The following BOD1L1 variants were observed in gnomAD, a reference collection of about 807,000 sequenced individuals.
BOD1L1 encodes biorientation of chromosomes in cell division protein 1-like 1.
In BOD1L1, 86 loss-of-function variants were observed where a neutral mutation model predicts 240.7. That is an observed-to-expected ratio of 0.36 (90% CI 0.30 to 0.43). The LOEUF is 0.43. Among genes scored for constraint, BOD1L1 ranks in the 20% least tolerant of loss-of-function variants. The probability of loss-of-function intolerance (pLI) is 1.00; values close to 1 mark genes in which losing one functional copy is unlikely to be tolerated. For missense variants in BOD1L1, 3,554 were observed against 3,643.5 expected (o/e 0.98, Z 0.63); for synonymous variants, 1,268 against 1,272.3 (o/e 1.00, Z 0.07).
intron 8 of BOD1L1, among the ~76,000 whole-genome samples, chr4:13,607,687 C>G (rs542497083): frequency 6.6e-6 from 1 of 152,302 alleles, no homozygotes; most frequent in Admixed American, 6.5e-5. Flanking sequence ...CAAAGGAGAG[C>G]ACAATCCCAA....
In BOD1L1 at chr4:13,604,124, T is replaced by C. The variant is rs2108957843; in HGVS notation, c.2776A>G (p.Thr926Ala). ...TQGKQVKVVETELQEGATKQA... is the reference protein window; with the variant it reads ...TQGKQVKVVEAELQEGATKQA... ...TTTGTGGCACCTTCTTGTAATTCTG[T>C]TTCTACAACTTTTACCTGTTTGCCT... is the stretch of plus-strand genomic sequence containing the variant. The change falls in exon 10 of 26, where the codon ACA becomes GCA. Residue 926 changes from threonine (T) to alanine (A), a missense_variant. Thr to Ala is a moderately conservative substitution (Grantham distance 58, BLOSUM62 0). This residue lies in a region of BOD1L1 where 3,393 missense variants were observed against 3,427.1 expected (regional missense o/e 0.99). Coordinates refer to ENST00000040738, the MANE Select transcript of BOD1L1 (RefSeq NM_148894.3). 6.2e-7 allele frequency: 1 copy of C among 1,613,676 alleles called. No homozygotes were observed. Among genetic ancestry groups the C allele is most frequent in the East Asian group, 2.2e-5 (1 of 44,868 alleles).
intron 17 of BOD1L1, among the ~76,000 whole-genome samples, chr4:13,585,555 G>T (rs1486802630): frequency 6.6e-6 from 1 of 152,110 alleles, no homozygotes; most frequent in Admixed American, 6.6e-5. Flanking sequence ...AGGAGGTTCT[G>T]TGAGTCATAA....
At position 13,570,185 on chromosome 4, in the gene BOD1L1, C is replaced by T. The variant is rs891322139; in HGVS notation, c.9039-57G>A. On this transcript the variant is annotated intron_variant, in intron 25 of 25. Transcript: ENST00000040738. ...GTTTAAAAGCAGCTGCTTCAAATAA[C>T]TTGGGAGTTCCTTAAAAAACAGAAG... 34 of 1,258,036 alleles carry T rather than the reference C, an allele frequency of 2.7e-5. No individual in the cohort carries two copies. In the African/African-American group the frequency reaches 4.5e-4, roughly 17 times the overall value. 77.9% of individuals were successfully genotyped at this position (1,258,036 alleles called of 1,614,324 possible).
In BOD1L1 at chr4:13,599,064, T is replaced by C; in HGVS notation, c.7836A>G (p.Lys2612=). ...TCTCAGCAGATGCTTGATCAGTCCA[T>C]TTGCCACTATAATCATTCTTTATAG... ...DLTIKNDYSG[K]WTDQASAEKT... is the part of the protein sequence containing the mutation. Residue 2612 remains lysine, a synonymous_variant, in exon 10 of 26, where the codon AAA becomes AAG. Transcript: ENST00000040738. 1 of 1,614,020 alleles carries C rather than the reference T, an allele frequency of 6.2e-7. No individual in the cohort carries two copies. The highest frequency in any genetic ancestry group is 8.5e-7 in the Non-Finnish European group (1 of 1,179,890).
rs1343188304 is a variant in BOD1L1 at position 13,600,389 on chromosome 4, C to T, written c.6511G>A (p.Val2171Ile). Reference sequence around the variant, plus strand: ...GCCCTTTCTTCCACTGCTGCAGCAACCGGCTGAAGACTTTCAGCACACTTG... The same window carrying T: ...GCCCTTTCTTCCACTGCTGCAGCAATCGGCTGAAGACTTTCAGCACACTTG... The part of the protein sequence containing the change: ...TIKCAESLQP[V>I]AAAVEERATG... Residue 2171 changes from valine to isoleucine, a missense_variant, in exon 10 of 26, where the codon GTT becomes ATT. Val to Ile is a conservative substitution (Grantham distance 29). This residue lies in a region of BOD1L1 where 3,393 missense variants were observed against 3,427.1 expected (regional missense o/e 0.99). Coordinates refer to ENST00000040738, the MANE Select transcript of BOD1L1 (RefSeq NM_148894.3). 6.2e-6 allele frequency: 10 copies of T among 1,613,980 alleles called. No homozygotes were observed. Among genetic ancestry groups the T allele is most frequent in the Non-Finnish European group, 6.8e-6 (8 of 1,179,892 alleles).
In BOD1L1 at chr4:13,599,126, C is replaced by A. The variant is rs149137259; in HGVS notation, c.7774G>T (p.Val2592Leu). 26 of 1,614,038 alleles carry A rather than the reference C, an allele frequency of 1.6e-5. No individual in the cohort carries two copies. In the African/African-American group the frequency reaches 3.5e-4, roughly 22 times the overall value. Residue 2592 changes from valine (V) to leucine (L), a missense_variant, in exon 10 of 26, where the codon GTA (valine) becomes TTA (leucine). Around this residue, in one of 2 missense-constraint regions of BOD1L1, gnomAD observed 3,393 missense variants for 3,427.1 expected, o/e 0.99. Transcript: ENST00000040738. ...TCACATTTAGGAGCCAACAGAGCTA[C>A]ACTGTAAGTAGCTGGAGGGATCATT... ...HTMIPPATYS[V>L]ALLAPKCEQD...
At chr4:13,617,662 A>C (rs1055235041) in intron 2 of BOD1L1, among the ~76,000 whole-genome samples, 2 of 152,228 alleles carry the variant, frequency 1.3e-5, no homozygotes, top group African/African-American at 4.8e-5. Context: ...AAGTAGAATA[A>C]AATTTTCCCT....
At chr4:13,587,293 G>A (rs1290818043) in intron 16 of BOD1L1, among the ~76,000 whole-genome samples, 1 of 152,160 alleles carries the variant, frequency 6.6e-6, no homozygotes, top group Non-Finnish European at 1.5e-5. Context: ...TTCTACTAGA[G>A]GGCACCGTTA....
chr4:13,594,779 C>G (rs765663705), intron 12 of BOD1L1, among the ~76,000 whole-genome samples: 8 of 152,112 alleles, frequency 5.3e-5, no homozygotes, highest in African/African-American at 1.9e-4. Flanking sequence ...CCTGTAATCC[C>G]AGCTACTCAG....
At chr4:13,571,144 T>G (rs1712173605) in intron 25 of BOD1L1, among the ~76,000 whole-genome samples, 1 of 152,360 alleles carries the variant, frequency 6.6e-6, no homozygotes, top group Non-Finnish European at 1.5e-5. Context: ...TTTGAAAGTC[T>G]TATACACATA....
At chr4:13,618,516 A>G (rs1716790750) in intron 2 of BOD1L1, among the ~76,000 whole-genome samples, 2 of 152,238 alleles carry the variant, frequency 1.3e-5, no homozygotes, top group Non-Finnish European at 2.9e-5. Context: ...TTCTAGAAAC[A>G]GCTTTGACCT....
chr4:13,600,391 G>A lies in BOD1L1; in HGVS notation c.6509C>T (p.Pro2170Leu), dbSNP rs747362420. Residue 2170 changes from proline (P) to leucine (L), a missense_variant, in exon 10 of 26, where the codon CCG becomes CTG. By Grantham distance (98) the Pro-to-Leu change is moderately conservative (BLOSUM62 -3). Coordinates refer to ENST00000040738, the MANE Select transcript of BOD1L1 (RefSeq NM_148894.3). ...TTIKCAESLQ[P>L]VAAAVEERAT... ...CCTTTCTTCCACTGCTGCAGCAACC[G>A]GCTGAAGACTTTCAGCACACTTGAT... is the stretch of plus-strand genomic sequence containing the variant. 24 of 1,613,786 alleles carry A rather than the reference G, an allele frequency of 1.5e-5. No homozygotes were observed. Among genetic ancestry groups the A allele is most frequent in the Middle Eastern group, 3.3e-4 (2 of 6,084 alleles).
intron 12 of BOD1L1, among the ~76,000 whole-genome samples, chr4:13,594,692 C>T (rs904205299): frequency 5.9e-5 from 9 of 152,108 alleles, no homozygotes; most frequent in Admixed American, 2.0e-4. Context: ...GTCAGGAGAT[C>T]GAGACCATCC....
intron 12 of BOD1L1, among the ~76,000 whole-genome samples, chr4:13,593,681 C>T (rs996214133): frequency 5.9e-5 from 9 of 152,222 alleles, no homozygotes; most frequent in South Asian, 2.1e-4. Context: ...CTTATTTGCA[C>T]GTTGATTTCA....
In BOD1L1 at chr4:13,615,621, T is replaced by G; in HGVS notation, c.369-119A>C. 6.2e-6 allele frequency: 6 copies of G among 961,606 alleles called. No homozygotes were observed. In the South Asian group the frequency reaches 9.5e-5, roughly 15 times the overall value. 59.6% of individuals were successfully genotyped at this position (961,606 alleles called of 1,614,324 possible). On this transcript the variant is annotated intron_variant, in intron 2 of 25. Transcript: ENST00000040738. ...TATCCATCCATCCAACCTTAAATTG[T>G]CCCAATCCATTTACTTGGATATAGA...
intron 5 of BOD1L1, among the ~76,000 whole-genome samples, chr4:13,611,313 C>T (rs1716155059): frequency 6.6e-6 from 1 of 152,096 alleles, no homozygotes; most frequent in South Asian, 2.1e-4. Flanking sequence ...AAAAATTAGA[C>T]ATTATAGTTA....
In BOD1L1 at chr4:13,600,639, T is replaced by G; in HGVS notation, c.6261A>C (p.Ala2087=). ...AGAGACCTCCTTCCACATCTGTAATTGCGCTTACCTGAGGGGTGTAATCAT... is the reference window on the plus strand; with the variant it reads ...AGAGACCTCCTTCCACATCTGTAATGGCGCTTACCTGAGGGGTGTAATCAT... ...TTNDYTPQVS[A]ITDVEGGLSD... The change falls in exon 10 of 26, where the codon GCA becomes GCC. Residue 2087 remains alanine (A), a synonymous_variant. Transcript: ENST00000040738. The G allele has an allele frequency of 6.2e-7, 1 of 1,613,946 alleles. No homozygotes were observed. The highest frequency in any genetic ancestry group is 8.5e-7 in the Non-Finnish European group (1 of 1,179,874).
intron 1 of BOD1L1, chr4:13,625,365 G>C (rs879390991): frequency 3.3e-5 from 5 of 152,142 alleles, no homozygotes; most frequent in Admixed American, 2.0e-4. Context: ...CATTTTTCTT[G>C]AGAGAAGGTC....
At position 13,600,105 on chromosome 4, in the gene BOD1L1, C is replaced by A. The variant is rs1164833453; in HGVS notation, c.6795G>T (p.Glu2265Asp). Reference protein sequence around the residue: ...IISTSSVEDCEGPVSSAVPQE... With the variant: ...IISTSSVEDCDGPVSSAVPQE... ...GAGGGACAGCACTGGACACTGGGCC[C>A]TCACAGTCTTCCACCGAGCTCGTAG... The change falls in exon 10 of 26, where the codon GAG (glutamate) becomes GAT (aspartate). Residue 2265 changes from glutamate to aspartate, a missense_variant. This residue lies in a region of BOD1L1 where 3,393 missense variants were observed against 3,427.1 expected (regional missense o/e 0.99). Transcript: ENST00000040738. 9 of 1,613,894 alleles carry A rather than the reference C, an allele frequency of 5.6e-6. No individual in the cohort carries two copies. The highest frequency in any genetic ancestry group is 7.6e-6 in the Non-Finnish European group (9 of 1,179,864).
Sources: allele counts gnomAD v4.1 joint callset (sites outside exome capture counted in the v4.1 genomes callset), GRCh38; gene constraint gnomAD v4.1.1; regional missense constraint gnomAD v4.1.1; transcripts MANE v1.5; gene names NCBI Gene and HGNC (gene_info 2026-07-23, HGNC 2026-07-21).